The following PTPN4 variants were observed in gnomAD, a reference collection of about 807,000 sequenced individuals.
The protein encoded by PTPN4 is protein tyrosine phosphatase non-receptor type 4, also known as tyrosine-protein phosphatase non-receptor type 4.
A neutral mutation model predicts 135.5 loss-of-function variants in PTPN4; 49 were observed. The ratio of observed to expected loss-of-function variants is 0.36; its 90% CI spans 0.29 to 0.46. The LOEUF (loss-of-function observed/expected upper bound fraction) is 0.46. Among genes scored for constraint, PTPN4 ranks in the 20% least tolerant of loss-of-function variants. The pLI, the probability that PTPN4 is intolerant of heterozygous loss-of-function variation, is 1.00. For missense variants in PTPN4, 860 were observed against 1,101.0 expected, an observed-to-expected ratio of 0.78 and a Z score of 3.10; for synonymous variants, 333 against 369.9, an observed-to-expected ratio of 0.90 and a Z score of 1.14.
Position 119,882,087 on chromosome 2 carries a change from G to A in PTPN4, c.414-10G>A. On this transcript the variant is annotated splice_polypyrimidine_tract_variant and intron_variant, in intron 6 of 26. Coordinates refer to ENST00000263708, the MANE Select transcript of PTPN4 (RefSeq NM_002830.4). ...ACCTTCGGTTGTGTATTTTTGTTTT[G>A]TTTTATTAGATTACCCTGTCCTTCT... is the stretch of plus-strand genomic sequence containing the variant. 1 of 1,601,324 alleles carries A rather than the reference G, an allele frequency of 6.2e-7. No individual in the cohort carries two copies. Among genetic ancestry groups the A allele is most frequent in the South Asian group, 1.1e-5 (1 of 90,640 alleles).
rs943751907 is a variant in PTPN4, at chr2:119,984,345, CACTT to C, written c.*7277_*7280del. Among the ~76,000 whole-genome samples, 3 of 151,768 alleles carry C rather than the reference CACTT, an allele frequency of 2.0e-5. No homozygotes were observed. Among genetic ancestry groups the C allele is most frequent in the Admixed American group, 6.6e-5 (1 of 15,244 alleles). ...ATTTGTAAATATGAAGGGGAAAAGT[CACTT>C]AGTTAAAAGTCTAGCTTATGTCATA... On this transcript the variant is annotated 3_prime_UTR_variant, in exon 27 of 27. Coordinates refer to ENST00000263708, the MANE Select transcript of PTPN4 (RefSeq NM_002830.4).
chr2:119,794,134 C>T (rs10189247), intron 1 of PTPN4, among the ~76,000 whole-genome samples: 41,164 of 151,774 alleles, frequency 0.27, 5,658 homozygotes, highest in South Asian at 0.33. Flanking sequence ...AGGTTTGAGT[C>T]GCTGCACCTG....
intron 1 of PTPN4, among the ~76,000 whole-genome samples, chr2:119,807,339 T>C (rs1383332007): frequency 1.3e-5 from 2 of 151,712 alleles, no homozygotes; most frequent in African/African-American, 4.8e-5. Context: ...GCCAGACTAA[T>C]AAAGAAGAAA....
At chr2:119,959,710 C>T (rs1238383791) in intron 22 of PTPN4, among the ~76,000 whole-genome samples, 1 of 152,104 alleles carries the variant, frequency 6.6e-6, no homozygotes, top group African/African-American at 2.4e-5. Context: ...GACAAGTGCT[C>T]CATAATCAAT....
intron 9 of PTPN4, among the ~76,000 whole-genome samples, chr2:119,898,084 C>T (rs1201433463): frequency 6.6e-6 from 1 of 152,174 alleles, no homozygotes; most frequent in Non-Finnish European, 1.5e-5. Context: ...AGATTGGAAA[C>T]TTAAACAACA....
chr2:119,843,293 C>T (rs1407607742), intron 2 of PTPN4, among the ~76,000 whole-genome samples: 1 of 137,728 alleles, frequency 7.3e-6, no homozygotes, highest in South Asian at 2.4e-4. Context: ...TTTCAGAGAG[C>T]ACAGGGTTGG....
intron 1 of PTPN4, among the ~76,000 whole-genome samples, chr2:119,778,112 A>G (rs1690872624): frequency 6.6e-6 from 1 of 152,098 alleles, no homozygotes; most frequent in African/African-American, 2.4e-5. Flanking sequence ...TACCACATAC[A>G]CTATAAGACT....
chr2:119,785,894 G>T (rs755240997), intron 1 of PTPN4, among the ~76,000 whole-genome samples: 7 of 152,204 alleles, frequency 4.6e-5, no homozygotes, highest in Non-Finnish European at 1.0e-4. Flanking sequence ...GGATTCTGCA[G>T]TATAAGTGCT....
At chr2:119,786,658 A>G (rs926257209) in intron 1 of PTPN4, among the ~76,000 whole-genome samples, 5 of 152,022 alleles carry the variant, frequency 3.3e-5, no homozygotes, top group African/African-American at 9.7e-5. Flanking sequence ...TAAAAATTGT[A>G]TCTCCTTTTG....
chr2:119,860,928 C>G (rs1283988715), intron 2 of PTPN4, among the ~76,000 whole-genome samples: 4 of 151,806 alleles, frequency 2.6e-5, no homozygotes, highest in African/African-American at 4.8e-5. Flanking sequence ...ATAATGCTGG[C>G]TACTCAGGAG....
At chr2:119,911,870 C>A (rs1456993967) in intron 10 of PTPN4, among the ~76,000 whole-genome samples, 1 of 152,092 alleles carries the variant, frequency 6.6e-6, no homozygotes, top group African/African-American at 2.4e-5. Flanking sequence ...TCTGTAGTTT[C>A]TTAAAAAGTT....
intron 1 of PTPN4, among the ~76,000 whole-genome samples, chr2:119,804,643 T>G (rs903605233): frequency 2.0e-5 from 3 of 152,226 alleles, no homozygotes; most frequent in Non-Finnish European, 4.4e-5. Flanking sequence ...TATTCCATGG[T>G]GTATATGTGC....
At chr2:119,968,897 A>G (rs1362201984) in intron 26 of PTPN4, among the ~76,000 whole-genome samples, 1 of 152,258 alleles carries the variant, frequency 6.6e-6, no homozygotes, top group African/African-American at 2.4e-5. Context: ...CAAAAGAAGA[A>G]TCATGGAATT....
chr2:119,936,796 T>G (rs979168282), intron 15 of PTPN4, among the ~76,000 whole-genome samples: 3 of 152,222 alleles, frequency 2.0e-5, no homozygotes, highest in Non-Finnish European at 2.9e-5. Context: ...TTGCTTCTTC[T>G]CTCTTGTGCA....
At position 119,962,762 on chromosome 2, in the gene PTPN4, C is replaced by A; in HGVS notation, c.2409+18C>A. On this transcript the variant is annotated intron_variant, in intron 24 of 26. Coordinates refer to ENST00000263708, the MANE Select transcript of PTPN4 (RefSeq NM_002830.4). ...ACCAAGAGGTAAGAAGGCAGGATATCTGTTCATTAGAACTGTTGTGTTCAG... is the reference window on the plus strand; with the variant it reads ...ACCAAGAGGTAAGAAGGCAGGATATATGTTCATTAGAACTGTTGTGTTCAG... 6.5e-7 allele frequency: 1 copy of A among 1,543,718 alleles called. No homozygotes were observed. The highest frequency in any genetic ancestry group is 8.8e-7 in the Non-Finnish European group (1 of 1,133,456).
intron 2 of PTPN4, among the ~76,000 whole-genome samples, chr2:119,836,089 AAT>A (rs1677287820): frequency 6.6e-6 from 1 of 151,904 alleles, no homozygotes; most frequent in Non-Finnish European, 1.5e-5. Context: ...AAAAGAAAGA[AAT>A]ATGAAAGGAA....
intron 1 of PTPN4, among the ~76,000 whole-genome samples, chr2:119,796,724 C>T (rs1305771722): frequency 1.3e-5 from 2 of 152,158 alleles, no homozygotes; most frequent in Non-Finnish European, 2.9e-5. Flanking sequence ...GCTCATAAAG[C>T]AGGAATATGT....
intron 2 of PTPN4, among the ~76,000 whole-genome samples, chr2:119,854,823 C>A (rs1473678518): frequency 3.3e-5 from 5 of 152,156 alleles, no homozygotes; most frequent in Non-Finnish European, 7.3e-5. Flanking sequence ...TGTTTCTTAG[C>A]CTGTCAATTA....
At chr2:119,838,343 G>C (rs1677327449) in intron 2 of PTPN4, among the ~76,000 whole-genome samples, 1 of 152,092 alleles carries the variant, frequency 6.6e-6, no homozygotes, top group African/African-American at 2.4e-5. Flanking sequence ...TACTCAGGCA[G>C]AAGGTGCCGC....
Sources: gnomAD v4.1 joint callset for allele counts (sites outside exome capture counted in the v4.1 genomes callset) on GRCh38, gnomAD v4.1.1 for gene constraint, MANE v1.5 for transcripts, NCBI Gene and HGNC (gene_info 2026-07-23, HGNC 2026-07-21) for gene names.